The following TMEM132D variants were observed in gnomAD, a reference collection of about 807,000 sequenced individuals.
TMEM132D encodes the protein transmembrane protein 132D.
Under a neutral mutation model 62.3 loss-of-function variants are expected in TMEM132D, and 21 were observed. The ratio of observed to expected loss-of-function variants is 0.34; its 90% CI spans 0.24 to 0.49. TMEM132D has a LOEUF of 0.49. Ranked by LOEUF, TMEM132D falls within the 20% of genes least tolerant of loss-of-function variation. TMEM132D has a pLI of 0.99. For synonymous variants in TMEM132D, 621 were observed against 575.6 expected (o/e 1.08, Z -1.13); for missense variants, 1,346 against 1,402.8 (o/e 0.96, Z 0.65).
chr12:129,471,572 A>G (rs1308888520), intron 3 of TMEM132D, among the ~76,000 whole-genome samples: 1 of 152,112 alleles, frequency 6.6e-6, no homozygotes, highest in African/African-American at 2.4e-5. Flanking sequence ...TGACCCTACA[A>G]TGGCCTCTAA....
At chr12:129,083,344 C>T (rs931893561) in intron 6 of TMEM132D, among the ~76,000 whole-genome samples, 1 of 152,206 alleles carries the variant, frequency 6.6e-6, no homozygotes. Flanking sequence ...GCTGTTCCCT[C>T]TCACACTCAC....
intron 2 of TMEM132D, among the ~76,000 whole-genome samples, chr12:129,536,982 C>T (rs541790087): frequency 6.6e-6 from 1 of 151,888 alleles, no homozygotes; most frequent in Non-Finnish European, 1.5e-5. Flanking sequence ...GATGGAGAAA[C>T]CCTGTCTCTA....
At chr12:129,619,415 G>A (rs933477263) in intron 2 of TMEM132D, among the ~76,000 whole-genome samples, 2 of 152,164 alleles carry the variant, frequency 1.3e-5, no homozygotes, top group East Asian at 1.9e-4. Flanking sequence ...AAATGCATGT[G>A]CAGAAATGTC....
At chr12:129,528,042 C>T (rs1876102007) in intron 3 of TMEM132D, among the ~76,000 whole-genome samples, 1 of 152,212 alleles carries the variant, frequency 6.6e-6, no homozygotes, top group South Asian at 2.1e-4. Flanking sequence ...AATACAAAAT[C>T]TATGACTCTC....
At chr12:129,777,628 G>A (rs77540036) in intron 1 of TMEM132D, among the ~76,000 whole-genome samples, 2,393 of 152,200 alleles carry the variant, frequency 0.016, 58 homozygotes, top group African/African-American at 0.055. Flanking sequence ...ACAGAAAGAG[G>A]ACAACCACTT....
rs565195433 is a variant in TMEM132D, at chr12:129,349,236, T to C, written c.1116-11419A>G. 3.0e-4 allele frequency among the ~76,000 whole-genome samples: 46 copies of C among 152,266 alleles called. 1 individual carries two copies. In the South Asian group the frequency reaches 4.8e-3, roughly 16 times the overall value. On this transcript the variant is annotated intron_variant, in intron 3 of 8. Transcript: ENST00000422113. ...TTGCTAGATGCTCCGGATATAACAC[T>C]TGAAGTATGCCAGACTTTGAATCCA...
chr12:129,667,744 C>T (rs530803809), intron 2 of TMEM132D, among the ~76,000 whole-genome samples: 118 of 152,122 alleles, frequency 7.8e-4, no homozygotes, highest in African/African-American at 2.8e-3. Flanking sequence ...AAAAATCATA[C>T]AGGAAGCATT....
At chr12:129,788,037 G>A (rs1871291132) in intron 1 of TMEM132D, among the ~76,000 whole-genome samples, 1 of 152,176 alleles carries the variant, frequency 6.6e-6, no homozygotes, top group Admixed American at 6.5e-5. Context: ...CAGGCATCCT[G>A]GCCCAACCAC....
chr12:129,414,726 C>T (rs190109774), intron 3 of TMEM132D, among the ~76,000 whole-genome samples: 1 of 152,268 alleles, frequency 6.6e-6, no homozygotes, highest in Non-Finnish European at 1.5e-5. Context: ...CTATCGTTAC[C>T]ATGCCACACA....
chr12:129,084,469 TGCC>T (rs1402891048), intron 6 of TMEM132D, 25 bp downstream of exon 6: 2 of 1,560,546 alleles, frequency 1.3e-6, no homozygotes, highest in South Asian at 1.2e-5. Flanking sequence ...CTCCTTAGCC[TGCC>T]ATGGAGTTTC....
At chr12:129,812,461 C>T (rs138624587) in intron 1 of TMEM132D, among the ~76,000 whole-genome samples, 54 of 151,888 alleles carry the variant, frequency 3.6e-4, no homozygotes, top group African/African-American at 1.1e-3. Flanking sequence ...AATACTCTGC[C>T]ATTGTTCCAT....
chr12:129,378,616 T>C (rs1249019061), intron 3 of TMEM132D, among the ~76,000 whole-genome samples: 1 of 152,194 alleles, frequency 6.6e-6, no homozygotes. Context: ...CTGTCTGCCC[T>C]GAAGCACATA....
intron 5 of TMEM132D, among the ~76,000 whole-genome samples, chr12:129,170,946 G>A (rs951322962): frequency 6.6e-6 from 1 of 152,188 alleles, no homozygotes; most frequent in Non-Finnish European, 1.5e-5. Flanking sequence ...GAAGTTTGGG[G>A]CGGCTGTGGC....
chr12:129,480,235 G>T (rs925405119), intron 3 of TMEM132D, among the ~76,000 whole-genome samples: 3 of 152,242 alleles, frequency 2.0e-5, no homozygotes, highest in Non-Finnish European at 4.4e-5. Context: ...CTGCAGAGGG[G>T]TGCAGGGGGT....
rs572567254 is a variant in TMEM132D at position 129,844,362 on chromosome 12, T to G, written c.79+58899A>C. Among the ~76,000 whole-genome samples, 8 of 152,308 alleles carry G rather than the reference T, an allele frequency of 5.3e-5. No homozygotes were observed. The South Asian group carries it at 1.4e-3, about 28-fold the overall frequency. On this transcript the variant is annotated intron_variant, in intron 1 of 8. Transcript: ENST00000422113. The stretch of plus-strand genomic sequence containing the variant: ...TGAGCCTGCAAGTCACTCTGCCAGG[T>G]GGGCATTTGACCTGGAGTGTGTGTG...
chr12:129,336,540 C>T (rs1869277788), intron 4 of TMEM132D, among the ~76,000 whole-genome samples: 2 of 151,712 alleles, frequency 1.3e-5, no homozygotes, highest in Non-Finnish European at 2.9e-5. Context: ...CCACCGCACT[C>T]CAGCCTGGGC....
At chr12:129,583,268 T>C (rs559737506) in intron 2 of TMEM132D, among the ~76,000 whole-genome samples, 23 of 152,224 alleles carry the variant, frequency 1.5e-4, no homozygotes, top group African/African-American at 3.9e-4. Context: ...CTTAACTTGA[T>C]GGTCTAGAAA....
chr12:129,639,108 C>T (rs909504640), intron 2 of TMEM132D, among the ~76,000 whole-genome samples: 56 of 152,158 alleles, frequency 3.7e-4, no homozygotes, highest in African/African-American at 1.3e-3. Context: ...CAGGGGCGGG[C>T]ATGGTTGCTC....
intron 4 of TMEM132D, among the ~76,000 whole-genome samples, chr12:129,275,347 A>C (rs568620088): frequency 6.6e-6 from 1 of 152,344 alleles, no homozygotes; most frequent in African/African-American, 2.4e-5. Flanking sequence ...AAGAGCACTA[A>C]GTTTATAACA....
Sources: gnomAD v4.1 joint callset for allele counts (sites outside exome capture counted in the v4.1 genomes callset) on GRCh38, gnomAD v4.1.1 for gene constraint, MANE v1.5 for transcripts, NCBI Gene and HGNC (gene_info 2026-07-23, HGNC 2026-07-21) for gene names.